The following UPRT variants were observed in gnomAD, a reference collection of about 807,000 sequenced individuals.
The protein encoded by UPRT is RP11-311P8.3.
In UPRT, 5 loss-of-function variants were observed where a neutral mutation model predicts 22.6. That is an observed-to-expected ratio of 0.22 (90% CI 0.12 to 0.47). The LOEUF is 0.47. UPRT is among the 20% of genes least tolerant of loss of function. UPRT has a pLI of 0.99. For missense variants in UPRT, 181 were observed against 239.9 expected (o/e 0.75, Z 1.62); for synonymous variants, 77 against 87.7 (o/e 0.88, Z 0.68).
At chrX:75,257,621 G>A (rs763299295) in intron 4 of UPRT, among the ~76,000 whole-genome samples, 1 of 111,616 alleles carries the variant, frequency 9.0e-6, no homozygotes, top group African/African-American at 3.3e-5. Context: ...AAACCCTAAA[G>A]TTTCTCCAGA....
chrX:75,169,957 T>C (rs2082222244), intron 4 of UPRT, among the ~76,000 whole-genome samples: 1 of 111,057 alleles, frequency 9.0e-6, no homozygotes, highest in East Asian at 2.8e-4. Context: ...GCTCCACTGT[T>C]AGGTGCATAT....
chrX:75,276,283 C>A (rs2082631464), intron 1 of UPRT, among the ~76,000 whole-genome samples: 1 of 111,984 alleles, frequency 8.9e-6, no homozygotes, highest in East Asian at 2.8e-4. Flanking sequence ...TCTTATCCTG[C>A]CTATGACATC....
At chrX:75,189,957 G>A (rs1453199313) in intron 4 of UPRT, among the ~76,000 whole-genome samples, 1 of 111,914 alleles carries the variant, frequency 8.9e-6, no homozygotes, top group East Asian at 2.8e-4. Context: ...TCTTTCAATT[G>A]AAGCATTTAG....
At chrX:75,266,419 C>T (rs2082588600) in intron 4 of UPRT, among the ~76,000 whole-genome samples, 1 of 111,729 alleles carries the variant, frequency 9.0e-6, no homozygotes, top group Admixed American at 9.5e-5. Context: ...CCCTTCCTTA[C>T]ACCTTATAAT....
chrX:75,255,673 T>C (rs1461107528), intron 4 of UPRT, among the ~76,000 whole-genome samples: 2 of 111,628 alleles, frequency 1.8e-5, no homozygotes, highest in Non-Finnish European at 3.8e-5. Flanking sequence ...AAAGAGACAT[T>C]TCATGCAAAT....
chrX:75,163,360 C>A (rs1213543117), intron 3 of UPRT, among the ~76,000 whole-genome samples: 1 of 112,043 alleles, frequency 8.9e-6, no homozygotes, highest in Admixed American at 9.4e-5. Flanking sequence ...AAGATAATCT[C>A]TTTTTTGATT....
intron 4 of UPRT, among the ~76,000 whole-genome samples, chrX:75,191,921 GC>G (rs769078893): frequency 1.8e-5 from 2 of 111,485 alleles, no homozygotes; most frequent in South Asian, 7.8e-4. Context: ...GTGAGGCGAT[GC>G]CTCACCCTGC....
chrX:75,222,089 G>GTACT (rs1377929730), intron 4 of UPRT, among the ~76,000 whole-genome samples: 1 of 112,233 alleles, frequency 8.9e-6, no homozygotes, highest in Non-Finnish European at 1.9e-5. Context: ...ACTCATAGAA[G>GTACT]TACTGCCTTT....
At chrX:75,246,561 A>T (rs2082507209) in intron 4 of UPRT, among the ~76,000 whole-genome samples, 1 of 111,002 alleles carries the variant, frequency 9.0e-6, no homozygotes, top group Non-Finnish European at 1.9e-5. Context: ...GCTGCAATAA[A>T]CATATGTGTG....
At chrX:75,267,920 C>T (rs963888938) in intron 4 of UPRT, among the ~76,000 whole-genome samples, 1 of 111,007 alleles carries the variant, frequency 9.0e-6, no homozygotes, top group Non-Finnish European at 1.9e-5. Flanking sequence ...CAGAGCAATA[C>T]TGAAGGAGAT....
chrX:75,179,035 C>A (rs1218618368), intron 4 of UPRT, among the ~76,000 whole-genome samples: 1 of 111,734 alleles, frequency 8.9e-6, no homozygotes, highest in Admixed American at 9.4e-5. Flanking sequence ...TAGTTAGATA[C>A]AGAGTTTCGA....
At chrX:75,264,389 C>T (rs968115030) in intron 4 of UPRT, among the ~76,000 whole-genome samples, 3 of 111,226 alleles carry the variant, frequency 2.7e-5, no homozygotes, top group Non-Finnish European at 3.8e-5. Context: ...AGGACTTGCT[C>T]TATGAATCTG....
intron 4 of UPRT, among the ~76,000 whole-genome samples, chrX:75,250,570 T>G (rs1325638953): frequency 9.0e-6 from 1 of 111,248 alleles, no homozygotes; most frequent in Non-Finnish European, 1.9e-5. Flanking sequence ...CAATAATTAA[T>G]AGCTTACCAA....
intron 4 of UPRT, among the ~76,000 whole-genome samples, chrX:75,252,198 C>G (rs2082533018): frequency 8.9e-6 from 1 of 111,847 alleles, no homozygotes; most frequent in African/African-American, 3.3e-5. Context: ...CAACAAAAGC[C>G]AAAATTGACA....
intron 4 of UPRT, among the ~76,000 whole-genome samples, chrX:75,192,105 G>T (rs758901534): frequency 9.0e-6 from 1 of 111,660 alleles, no homozygotes; most frequent in Non-Finnish European, 1.9e-5. Context: ...TTGGAACCGC[G>T]TATAACCTTC....
upstream of UPRT, among the ~76,000 whole-genome samples, chrX:75,273,733 A>G (rs1167531423): frequency 8.9e-6 from 1 of 111,919 alleles, no homozygotes; most frequent in African/African-American, 3.2e-5. Flanking sequence ...TCCTTCTGTT[A>G]TGCAGACAAG....
chrX:75,271,532 T>C (rs1341534211), upstream of UPRT, among the ~76,000 whole-genome samples: 1 of 112,232 alleles, frequency 8.9e-6, no homozygotes, highest in African/African-American at 3.2e-5. Context: ...GACCTGAAAC[T>C]ATAAAAATTC....
At chrX:75,289,076 A>G (rs1294854339) in intron 1 of UPRT, among the ~76,000 whole-genome samples, 2 of 111,228 alleles carry the variant, frequency 1.8e-5, no homozygotes, top group Non-Finnish European at 3.8e-5. Context: ...CAAGAACACA[A>G]TCATATTTAC....
chrX:75,187,428 C>T (rs932721552), intron 4 of UPRT, among the ~76,000 whole-genome samples: 4 of 111,266 alleles, frequency 3.6e-5, no homozygotes, highest in South Asian at 7.7e-4. Context: ...GAGGGTAACC[C>T]GACATTTCTC....
Sources: allele counts gnomAD v4.1 joint callset (sites outside exome capture counted in the v4.1 genomes callset), GRCh38; gene constraint gnomAD v4.1.1; transcripts MANE v1.5; gene names NCBI Gene and HGNC (gene_info 2026-07-23, HGNC 2026-07-21).